ZFYVE16: variants seen among roughly 807,000 people sequenced by gnomAD.
ZFYVE16 encodes the protein zinc finger FYVE-type containing 16.
A neutral mutation model predicts 138.1 loss-of-function variants in ZFYVE16; 89 were observed. That is an observed-to-expected ratio of 0.64 (90% CI 0.54 to 0.77). ZFYVE16 has a LOEUF of 0.77. ZFYVE16 is among the 30% of genes least tolerant of loss of function. ZFYVE16 has a pLI of 0.00. For synonymous variants in ZFYVE16, 596 were observed against 618.3 expected (o/e 0.96, Z 0.53); for missense variants, 1,793 against 1,786.7 (o/e 1.00, Z -0.06).
chr5:80,424,651 G>A (rs1310715989), intron 1 of ZFYVE16, among the ~76,000 whole-genome samples: 2 of 151,898 alleles, frequency 1.3e-5, no homozygotes, highest in Non-Finnish European at 2.9e-5. Flanking sequence ...TAGTAGAGAC[G>A]GGGTTTCACT....
intron 1 of ZFYVE16, chr5:80,409,816 C>T (rs1168336986): frequency 6.6e-6 from 1 of 152,212 alleles, no homozygotes; most frequent in Non-Finnish European, 1.5e-5. Flanking sequence ...TTTGAGAAAG[C>T]TGATTTAACC....
intron 2 of ZFYVE16, among the ~76,000 whole-genome samples, chr5:80,433,889 A>G (rs1290991290): frequency 2.0e-5 from 3 of 152,144 alleles, no homozygotes; most frequent in Non-Finnish European, 4.4e-5. Context: ...AAAATTTACA[A>G]TAGTTTATAT....
At chr5:80,421,483 G>A (rs1213708392) in intron 1 of ZFYVE16, among the ~76,000 whole-genome samples, 1 of 152,164 alleles carries the variant, frequency 6.6e-6, no homozygotes, top group Non-Finnish European at 1.5e-5. Context: ...AAGGTGTAAG[G>A]AAGGGATCCA....
upstream of ZFYVE16, among the ~76,000 whole-genome samples, chr5:80,407,708 A>G (rs1744808586): frequency 6.6e-6 from 1 of 152,254 alleles, no homozygotes; most frequent in African/African-American, 2.4e-5. Flanking sequence ...CAGGCTCAGC[A>G]AAGGGCTAAG....
In ZFYVE16 at chr5:80,438,210, G is replaced by T. The variant is rs749440071; in HGVS notation, c.1525G>T (p.Asp509Tyr). Residue 509 changes from aspartate (D) to tyrosine (Y), a missense_variant, in exon 4 of 19, where the codon GAT (aspartate) becomes TAT (tyrosine). Coordinates refer to ENST00000505560, the MANE Select transcript of ZFYVE16 (RefSeq NM_001284236.3). The stretch of plus-strand genomic sequence containing the variant: ...TAATACTTTTTCAAGCAATGATATG[G>T]ATGGGCAAGACTTAGATTACTTTAA... ...FINTFSSNDM[D>Y]GQDLDYFNID... 6.2e-7 allele frequency: 1 copy of T among 1,613,952 alleles called. No homozygotes were observed. Among genetic ancestry groups the T allele is most frequent in the Non-Finnish European group, 8.5e-7 (1 of 1,179,966 alleles).
intron 14 of ZFYVE16, among the ~76,000 whole-genome samples, chr5:80,457,842 T>C (rs1461300812): frequency 6.6e-6 from 1 of 151,328 alleles, no homozygotes; most frequent in Non-Finnish European, 1.5e-5. Context: ...CTGGCTAATA[T>C]GGTGAAACCC....
chr5:80,424,235 A>G (rs774187409), intron 1 of ZFYVE16, among the ~76,000 whole-genome samples: 4 of 151,968 alleles, frequency 2.6e-5, no homozygotes, highest in Non-Finnish European at 5.9e-5. Context: ...TGCATTTTTA[A>G]TGCTGTCACT....
At chr5:80,459,605 C>A in intron 15 of ZFYVE16, 111 bp downstream of exon 15, 2 of 823,128 alleles carry the variant, frequency 2.4e-6, no homozygotes, top group East Asian at 2.8e-5. Flanking sequence ...AGCACAGTAC[C>A]ACAAACTTAC....
intron 17 of ZFYVE16, 145 bp from the exon 18 acceptor site, chr5:80,474,518 C>T (rs1250378228): frequency 2.4e-6 from 2 of 831,304 alleles, no homozygotes; most frequent in South Asian, 2.0e-5. Flanking sequence ...ACTTATAGTA[C>T]AGATCAAGCT....
At chr5:80,456,721 ATC>A (rs1178665076) in intron 13 of ZFYVE16, among the ~76,000 whole-genome samples, 156 bp downstream of exon 13, 2 of 152,138 alleles carry the variant, frequency 1.3e-5, no homozygotes, top group African/African-American at 2.4e-5. Flanking sequence ...ACTGTAAATA[ATC>A]TGTTTGATCA....
chr5:80,451,741 A>G (rs1752006303), intron 11 of ZFYVE16, 32 bp downstream of exon 11: 4 of 1,547,990 alleles, frequency 2.6e-6, no homozygotes, highest in African/African-American at 2.8e-5. Flanking sequence ...TAAATTGCAT[A>G]TTTTCAAATA....
intron 18 of ZFYVE16, among the ~76,000 whole-genome samples, chr5:80,476,338 T>C (rs1010185082): frequency 6.6e-6 from 1 of 152,184 alleles, no homozygotes; most frequent in African/African-American, 2.4e-5. Flanking sequence ...TTATTATTAC[T>C]TGTTAAATAG....
rs545597616 is a variant in ZFYVE16 at position 80,474,143 on chromosome 5, A to G, written c.4293+284A>G. 9.2e-5 allele frequency among the ~76,000 whole-genome samples: 14 copies of G among 152,288 alleles called. No individual in the cohort carries two copies. The South Asian group carries it at 2.7e-3, about 29-fold the overall frequency. On this transcript the variant is annotated intron_variant, in intron 17 of 18. Coordinates refer to ENST00000505560, the MANE Select transcript of ZFYVE16 (RefSeq NM_001284236.3). ...ACTTGACCATATTTTCATTTTCCTC[A>G]GATTTTATGAAAAATAAGATATTGT...
At chr5:80,430,946 A>G (rs1291799635) in intron 2 of ZFYVE16, among the ~76,000 whole-genome samples, 1 of 152,218 alleles carries the variant, frequency 6.6e-6, no homozygotes, top group Non-Finnish European at 1.5e-5. Context: ...GGCAATAATT[A>G]ATAGCTTACC....
At chr5:80,464,548 G>T (rs1227180302) in intron 15 of ZFYVE16, among the ~76,000 whole-genome samples, 2 of 152,264 alleles carry the variant, frequency 1.3e-5, no homozygotes, top group African/African-American at 4.8e-5. Flanking sequence ...ATATCACTAA[G>T]AATTTATCAA....
intron 15 of ZFYVE16, among the ~76,000 whole-genome samples, chr5:80,468,036 C>T (rs1753917482): frequency 6.6e-6 from 1 of 152,088 alleles, no homozygotes; most frequent in Non-Finnish European, 1.5e-5. Flanking sequence ...CCCCAAGCTA[C>T]TCAGGAGGTT....
At chr5:80,457,132 C>G (rs1238404891) in intron 14 of ZFYVE16, 40 bp downstream of exon 14, 1 of 1,595,968 alleles carries the variant, frequency 6.3e-7, no homozygotes, top group East Asian at 2.3e-5. Flanking sequence ...ACAAAACCAC[C>G]TCAATTAATA....
At chr5:80,457,574 A>C (rs1752646837) in intron 14 of ZFYVE16, among the ~76,000 whole-genome samples, 3 of 152,200 alleles carry the variant, frequency 2.0e-5, no homozygotes, top group African/African-American at 4.8e-5. Context: ...AGGCCTAACA[A>C]ATTGAAAGTT....
At chr5:80,430,817 A>G (rs371108959) in intron 2 of ZFYVE16, among the ~76,000 whole-genome samples, 1 of 152,154 alleles carries the variant, frequency 6.6e-6, no homozygotes, top group Non-Finnish European at 1.5e-5. Context: ...ACACCTCTAC[A>G]CAAATAAACT....
Sources: gnomAD v4.1 joint callset for allele counts (sites outside exome capture counted in the v4.1 genomes callset) on GRCh38, gnomAD v4.1.1 for gene constraint, MANE v1.5 for transcripts, NCBI Gene and HGNC (gene_info 2026-07-23, HGNC 2026-07-21) for gene names.